The following TLK1 variants were observed in gnomAD, a reference collection of about 807,000 sequenced individuals.
TLK1 encodes tousled like kinase 1.
Under a neutral mutation model 105.3 loss-of-function variants are expected in TLK1, and 24 were observed. The ratio of observed to expected loss-of-function variants is 0.23; its 90% CI spans 0.17 to 0.32. The LOEUF (loss-of-function observed/expected upper bound fraction) is 0.32, where lower values mean the gene tolerates loss of function less well. Ranked by LOEUF, TLK1 falls within the 10% of genes least tolerant of loss-of-function variation. The pLI is 1.00. For synonymous variants in TLK1, 321 were observed against 310.4 expected, an observed-to-expected ratio of 1.03 and a Z score of -0.36; for missense variants, 558 against 910.5, an observed-to-expected ratio of 0.61 and a Z score of 4.98.
chr2:171,099,816 T>C (rs531965465), intron 2 of TLK1, among the ~76,000 whole-genome samples: 1 of 152,210 alleles, frequency 6.6e-6, no homozygotes, highest in Non-Finnish European at 1.5e-5. Flanking sequence ...GAAAAAATTA[T>C]TTTGGATTCC....
chr2:171,223,310 A>C (rs1268603869), intron 1 of TLK1, among the ~76,000 whole-genome samples: 1 of 152,126 alleles, frequency 6.6e-6, no homozygotes, highest in East Asian at 1.9e-4. Flanking sequence ...ACCAGCATCC[A>C]TTATTTTTTG....
chr2:171,022,088 C>CACACACACAG (rs1685544285), intron 12 of TLK1, among the ~76,000 whole-genome samples: 2 of 139,198 alleles, frequency 1.4e-5, no homozygotes, highest in South Asian at 2.3e-4. Flanking sequence ...GGGCGAAAAA[C>CACACACACAG]ACACACACAC....
At chr2:171,130,243 A>C (rs1201476088) in intron 1 of TLK1, among the ~76,000 whole-genome samples, 3 of 152,202 alleles carry the variant, frequency 2.0e-5, no homozygotes, top group African/African-American at 7.2e-5. Context: ...CTCTACTAGA[A>C]ATACAAAAAT....
intron 3 of TLK1, among the ~76,000 whole-genome samples, chr2:171,064,549 T>C (rs1687902492): frequency 6.6e-6 from 1 of 152,228 alleles, no homozygotes; most frequent in South Asian, 2.1e-4. Flanking sequence ...AATGCTGTCA[T>C]TTCTTTCTTT....
At position 170,992,954 on chromosome 2, in the gene TLK1, G is replaced by A. The variant is rs1167701336; in HGVS notation, c.*826C>T. ...CCTGCATAGAACTGGTCTGCATTTG[G>A]TTACTCACTGTCACCTGTTTTGATG... is the stretch of plus-strand genomic sequence containing the variant. On this transcript the variant is annotated 3_prime_UTR_variant, in exon 21 of 21. Coordinates refer to ENST00000431350, the MANE Select transcript of TLK1 (RefSeq NM_012290.5). 1 of 152,542 alleles carries A rather than the reference G, an allele frequency of 6.6e-6. No homozygotes were observed. Among genetic ancestry groups the A allele is most frequent in the African/African-American group, 2.4e-5 (1 of 41,446 alleles). The allele number at this position is 152,542 out of a possible 1,614,324, so 9.4% of individuals were successfully genotyped here.
In TLK1 at chr2:171,149,107, T is replaced by C. The variant is rs1008800002; in HGVS notation, c.139+11183A>G. The stretch of plus-strand genomic sequence containing the variant: ...TCCTTTGAATTACTTTTCTTTTTTT[T>C]TTTTTTTTTTTTTTTTAACATTTCT... On this transcript the variant is annotated intron_variant, in intron 1 of 20. Transcript: ENST00000431350. Among the ~76,000 whole-genome samples, 8 of 140,254 alleles carry C rather than the reference T, an allele frequency of 5.7e-5. No homozygotes were observed. In the East Asian group the frequency reaches 5.9e-4, roughly 10 times the overall value. 92.0% of individuals were successfully genotyped at this position (140,254 alleles called of 152,430 possible). A position where few individuals can be genotyped will look rare whatever the true frequency, so the allele number is the denominator to read the frequency against.
chr2:171,221,764 A>T (rs1693814256), intron 1 of TLK1, among the ~76,000 whole-genome samples: 1 of 152,052 alleles, frequency 6.6e-6, no homozygotes, highest in South Asian at 2.1e-4. Context: ...TCCTCACATG[A>T]CCTTTCCTCT....
In TLK1 at chr2:171,080,773, T is replaced by C. The variant is rs1226310323; in HGVS notation, c.330+2008A>G. Among the ~76,000 whole-genome samples the C allele has an allele frequency of 2.0e-5, 3 of 151,574 alleles. No individual in the cohort carries two copies. The South Asian group carries it at 6.3e-4, about 32-fold the overall frequency. On this transcript the variant is annotated intron_variant, in intron 3 of 20. Coordinates refer to ENST00000431350, the MANE Select transcript of TLK1 (RefSeq NM_012290.5). ...CCCAGGCTGGAGTGCAGTGGCACAA[T>C]CATGGCTCATTGCAGCTTCGACTTC...
intron 1 of TLK1, among the ~76,000 whole-genome samples, chr2:171,131,252 T>G (rs1340232919): frequency 6.6e-6 from 1 of 152,196 alleles, no homozygotes; most frequent in Non-Finnish European, 1.5e-5. Context: ...CACTCAACCA[T>G]TTTTAATCTA....
intron 1 of TLK1, among the ~76,000 whole-genome samples, chr2:171,201,655 T>C (rs962659838): frequency 6.6e-6 from 1 of 152,254 alleles, no homozygotes; most frequent in Non-Finnish European, 1.5e-5. Context: ...CTGTTCCACC[T>C]GGTTCCCATC....
At chr2:171,132,849 A>C (rs1691157514) in intron 1 of TLK1, among the ~76,000 whole-genome samples, 2 of 152,216 alleles carry the variant, frequency 1.3e-5, no homozygotes, top group African/African-American at 4.8e-5. Context: ...TAGGGAACAA[A>C]GTGAGACACT....
intron 11 of TLK1, among the ~76,000 whole-genome samples, chr2:171,043,179 A>G (rs1424723715): frequency 1.3e-5 from 2 of 152,208 alleles, no homozygotes; most frequent in East Asian, 3.8e-4. Flanking sequence ...GTGGACATTG[A>G]TGCTGCGACT....
At chr2:171,138,691 A>G (rs918089527) in intron 1 of TLK1, among the ~76,000 whole-genome samples, 1 of 152,194 alleles carries the variant, frequency 6.6e-6, no homozygotes, top group Non-Finnish European at 1.5e-5. Context: ...ACAGTAATAA[A>G]CACGTGGAAA....
At chr2:171,227,576 T>TTTG (rs1693923274) in intron 1 of TLK1, among the ~76,000 whole-genome samples, 1 of 74,340 alleles carries the variant, frequency 1.3e-5, no homozygotes, top group African/African-American at 5.1e-5. Context: ...TCCTTTTTTT[T>TTTG]TTTTTTTTTT....
chr2:171,182,092 A>G (rs552388676), intron 1 of TLK1, among the ~76,000 whole-genome samples: 3 of 152,330 alleles, frequency 2.0e-5, no homozygotes, highest in African/African-American at 7.2e-5. Flanking sequence ...AAGGAATGCT[A>G]GTGATGACTA....
At chr2:171,165,899 A>G (rs145086732) in intron 1 of TLK1, among the ~76,000 whole-genome samples, 5,052 of 152,216 alleles carry the variant, frequency 0.033, 290 homozygotes, top group African/African-American at 0.11. Context: ...CAACAGAGGG[A>G]GACCCCATCT....
At chr2:171,215,262 T>G (rs1354445073) in intron 1 of TLK1, among the ~76,000 whole-genome samples, 1 of 152,152 alleles carries the variant, frequency 6.6e-6, no homozygotes, top group East Asian at 1.9e-4. Context: ...TCTTTCAGTA[T>G]CCTCTCCACC....
At chr2:171,005,921 T>C (rs977776263) in intron 18 of TLK1, among the ~76,000 whole-genome samples, 3 of 152,160 alleles carry the variant, frequency 2.0e-5, no homozygotes, top group African/African-American at 4.8e-5. Flanking sequence ...AAGTCACTTG[T>C]TAATGCCAGG....
intron 20 of TLK1, among the ~76,000 whole-genome samples, chr2:170,994,536 T>C (rs1348713827): frequency 9.3e-6 from 1 of 107,936 alleles, no homozygotes; most frequent in Non-Finnish European, 1.9e-5. Context: ...AATAGCCTCT[T>C]ACAAAAAAAA....
Sources: gnomAD v4.1 joint callset for allele counts (sites outside exome capture counted in the v4.1 genomes callset) on GRCh38, gnomAD v4.1.1 for gene constraint, MANE v1.5 for transcripts, NCBI Gene and HGNC (gene_info 2026-07-23, HGNC 2026-07-21) for gene names.